The following CSMD1 variants were observed in gnomAD, a reference collection of about 807,000 sequenced individuals.
CSMD1 encodes CUB and sushi domain-containing protein 1.
In CSMD1, 213 loss-of-function variants were observed where a neutral mutation model predicts 417.5. That is an observed-to-expected ratio of 0.51 (90% CI 0.46 to 0.57). The LOEUF (loss-of-function observed/expected upper bound fraction) is 0.57. Ranked by LOEUF, CSMD1 falls within the 20% of genes least tolerant of loss-of-function variation. The pLI is 0.00. For missense variants in CSMD1, 6,923 were observed against 4,529.7 expected (o/e 1.53, Z -15.17); for synonymous variants, 2,862 against 1,736.8 (o/e 1.65, Z -16.11).
chr8:3,942,553 T>C (rs1028532093), intron 5 of CSMD1, among the ~76,000 whole-genome samples: 2 of 152,040 alleles, frequency 1.3e-5, no homozygotes, highest in Non-Finnish European at 1.5e-5. Context: ...GGACTGAAAA[T>C]GTGCTCAGTT....
At chr8:3,724,306 TC>T (rs1802365704) in intron 6 of CSMD1, among the ~76,000 whole-genome samples, 1 of 152,116 alleles carries the variant, frequency 6.6e-6, no homozygotes, top group Non-Finnish European at 1.5e-5. Flanking sequence ...CACTAACTCG[TC>T]ATCTAGCATT....
intron 7 of CSMD1, among the ~76,000 whole-genome samples, chr8:3,692,632 C>A (rs1455249630): frequency 6.6e-6 from 1 of 152,016 alleles, no homozygotes; most frequent in Non-Finnish European, 1.5e-5. Flanking sequence ...GGGGTTTCAC[C>A]ATGTTGGTCA....
At chr8:4,477,396 T>C (rs1246726002) in intron 2 of CSMD1, among the ~76,000 whole-genome samples, 1 of 152,196 alleles carries the variant, frequency 6.6e-6, no homozygotes, top group East Asian at 1.9e-4. Context: ...TCGATCAGTC[T>C]CGGGGACTTG....
intron 1 of CSMD1, among the ~76,000 whole-genome samples, chr8:4,744,697 A>AC (rs1810838837): frequency 2.0e-5 from 3 of 152,200 alleles, no homozygotes; most frequent in Admixed American, 1.3e-4. Context: ...TATTTTACAT[A>AC]ATGCTTTTCT....
intron 5 of CSMD1, among the ~76,000 whole-genome samples, chr8:3,838,317 C>T (rs1198701180): frequency 6.6e-6 from 1 of 151,888 alleles, no homozygotes; most frequent in Admixed American, 6.6e-5. Flanking sequence ...AGGAGGATTG[C>T]TTGAGTCCAG....
At chr8:3,616,872 G>T in intron 7 of CSMD1, 75 bp from the exon 8 acceptor site, 5 of 1,005,278 alleles carry the variant, frequency 5.0e-6, no homozygotes, top group Non-Finnish European at 4.4e-6. Flanking sequence ...TTTATTCTAG[G>T]CATTTTCAGT....
At position 3,138,767 on chromosome 8, in the gene CSMD1, A is replaced by G. The variant is rs985821196; in HGVS notation, c.6241+3698T>C. Among the ~76,000 whole-genome samples, 10 of 152,206 alleles carry G rather than the reference A, an allele frequency of 6.6e-5. No homozygotes were observed. The East Asian group carries it at 1.9e-3, about 29-fold the overall frequency. ...GGGCAAGTGAGAATCGAGACAGAGA[A>G]AGAACCACAGCCTGGGAGACAGAAA... On this transcript the variant is annotated intron_variant, in intron 41 of 69. Coordinates refer to ENST00000635120, the MANE Select transcript of CSMD1 (RefSeq NM_033225.6).
chr8:3,442,585 A>G (rs1275818109), intron 12 of CSMD1, among the ~76,000 whole-genome samples: 1 of 152,188 alleles, frequency 6.6e-6, no homozygotes, highest in Admixed American at 6.5e-5. Flanking sequence ...AGGCTGTACC[A>G]TATATCCCAG....
intron 52 of CSMD1, among the ~76,000 whole-genome samples, chr8:3,014,023 T>C (rs1225018084): frequency 3.9e-5 from 6 of 152,154 alleles, no homozygotes; most frequent in African/African-American, 1.4e-4. Flanking sequence ...CAGAATTTCT[T>C]CTCCTCATAT....
chr8:3,301,551 G>A (rs566993949), intron 25 of CSMD1, among the ~76,000 whole-genome samples: 9 of 152,278 alleles, frequency 5.9e-5, no homozygotes, highest in Non-Finnish European at 8.8e-5. Flanking sequence ...CTAAGAGATG[G>A]GAAGAAACTG....
chr8:4,197,823 G>C (rs1017328518), intron 3 of CSMD1, among the ~76,000 whole-genome samples: 4 of 152,124 alleles, frequency 2.6e-5, no homozygotes, highest in Non-Finnish European at 5.9e-5. Context: ...AGGTTGCAGT[G>C]AGCCAAGATA....
chr8:3,731,101 G>T (rs139201967), intron 6 of CSMD1, among the ~76,000 whole-genome samples: 58 of 152,132 alleles, frequency 3.8e-4, no homozygotes, highest in African/African-American at 1.4e-3. Flanking sequence ...CAAGTTTATT[G>T]TCGAGCACAC....
At chr8:3,890,676 C>T (rs1182394326) in intron 5 of CSMD1, among the ~76,000 whole-genome samples, 1 of 152,154 alleles carries the variant, frequency 6.6e-6, no homozygotes, top group Non-Finnish European at 1.5e-5. Flanking sequence ...AAACCGATTA[C>T]TCCAAATGAG....
chr8:3,723,484 T>C (rs1179439673), intron 6 of CSMD1, among the ~76,000 whole-genome samples: 1 of 152,188 alleles, frequency 6.6e-6, no homozygotes, highest in Admixed American at 6.5e-5. Context: ...CTGTGTATTC[T>C]CTTCAGATAT....
At chr8:3,992,814 A>C (rs1814861899) in intron 5 of CSMD1, among the ~76,000 whole-genome samples, 1 of 152,224 alleles carries the variant, frequency 6.6e-6, no homozygotes, top group Non-Finnish European at 1.5e-5. Flanking sequence ...AGCACAAAAA[A>C]CAATTCGCCC....
At chr8:3,646,074 T>A (rs1797555972) in intron 7 of CSMD1, among the ~76,000 whole-genome samples, 1 of 150,828 alleles carries the variant, frequency 6.6e-6, no homozygotes, top group East Asian at 1.9e-4. Flanking sequence ...TTAAGTGAAT[T>A]GTGGCAGAGT....
chr8:3,765,486 T>G (rs1798215231), intron 5 of CSMD1, among the ~76,000 whole-genome samples: 1 of 152,230 alleles, frequency 6.6e-6, no homozygotes, highest in African/African-American at 2.4e-5. Context: ...ACCTCTGCAC[T>G]CTGAGCCCAC....
At chr8:3,939,606 G>A (rs1254120894) in intron 5 of CSMD1, among the ~76,000 whole-genome samples, 1 of 152,018 alleles carries the variant, frequency 6.6e-6, no homozygotes, top group African/African-American at 2.4e-5. Flanking sequence ...CTAATAACAT[G>A]GAAGCAATGA....
chr8:4,943,513 T>A (rs1305970549), intron 1 of CSMD1, among the ~76,000 whole-genome samples: 84 of 4,554 alleles, frequency 0.018, 2 homozygotes, highest in Middle Eastern at 0.17. Flanking sequence ...TAAAATGAAA[T>A]AAAATAAAAT....
Sources: gnomAD v4.1 joint callset for allele counts (sites outside exome capture counted in the v4.1 genomes callset) on GRCh38, gnomAD v4.1.1 for gene constraint, MANE v1.5 for transcripts, NCBI Gene and HGNC (gene_info 2026-07-23, HGNC 2026-07-21) for gene names.